TRANK1: variants seen among roughly 807,000 people sequenced by gnomAD.
The protein encoded by TRANK1 is TPR and ankyrin repeat-containing protein 1.
In TRANK1, 198 loss-of-function variants were observed where a neutral mutation model predicts 266.0. The ratio of observed to expected loss-of-function variants is 0.74; its 90% CI spans 0.66 to 0.84. The LOEUF (loss-of-function observed/expected upper bound fraction) is 0.84. TRANK1 is among the 40% of genes least tolerant of loss of function. The pLI is 0.00. For synonymous variants in TRANK1, 1,396 were observed against 1,384.1 expected, an observed-to-expected ratio of 1.01 and a Z score of -0.19; for missense variants, 3,326 against 3,634.6, an observed-to-expected ratio of 0.92 and a Z score of 2.18.
chr3:36,939,113 G>T (rs1307403754), intron 1 of TRANK1, among the ~76,000 whole-genome samples: 2 of 151,872 alleles, frequency 1.3e-5, no homozygotes, highest in Non-Finnish European at 2.9e-5. Flanking sequence ...CTCCAGCGTG[G>T]GCAACAGAGC....
Position 36,889,944 on chromosome 3 carries a change from GAA to G in TRANK1, c.790_791del (p.Phe264ProfsTer15). Reference protein sequence around the residue: ...LCIQARENHLFRWLMDHKPEW... With the variant: ...LCIQARENHLXRWLMDHKPEW... ...CGGGCTTGTGATCCATTAACCACCG[GAA>G]AAGATGGTTTTCTCCTGAAGGGAAT... On this transcript the variant is annotated frameshift_variant, in exon 8 of 24. Transcript: ENST00000645898. LOFTEE classifies it high-confidence loss of function. The G allele has an allele frequency of 6.5e-7, 1 of 1,537,082 alleles. No homozygotes were observed. The highest frequency in any genetic ancestry group is 8.7e-7 in the Non-Finnish European group (1 of 1,146,856).
At chr3:36,870,913 G>A (rs1475875990) in intron 9 of TRANK1, among the ~76,000 whole-genome samples, 2 of 142,438 alleles carry the variant, frequency 1.4e-5, no homozygotes, top group Middle Eastern at 3.9e-3. Flanking sequence ...AGAAGACAAG[G>A]CATTTTTAGG....
At chr3:36,900,808 C>T (rs928311984) in intron 3 of TRANK1, among the ~76,000 whole-genome samples, 10 of 131,144 alleles carry the variant, frequency 7.6e-5, no homozygotes, top group Admixed American at 4.6e-4. Flanking sequence ...CATGAGCCCA[C>T]GAGGTGAGGC....
intron 1 of TRANK1, among the ~76,000 whole-genome samples, chr3:36,925,868 G>A (rs1468978743): frequency 2.0e-5 from 3 of 152,164 alleles, no homozygotes; most frequent in African/African-American, 7.2e-5. Flanking sequence ...ACAGACATGA[G>A]CCACTGTGCC....
In TRANK1 at chr3:36,831,086, C is replaced by A. The variant is rs1436393956; in HGVS notation, c.8497G>T (p.Ala2833Ser). 5 of 1,613,986 alleles carry A rather than the reference C, an allele frequency of 3.1e-6. No homozygotes were observed. Among genetic ancestry groups the A allele is most frequent in the Non-Finnish European group, 4.2e-6 (5 of 1,179,892 alleles). The stretch of plus-strand genomic sequence containing the variant: ...AAAAATTCTGAGTATTTCTGGTAGG[C>A]CACTTGCTGCCTCTGGTGGTGTTCT... Reference protein sequence around the residue: ...HLEHHQRQQVAYQKYSEFFHE... With the variant: ...HLEHHQRQQVSYQKYSEFFHE... The change falls in exon 22 of 24, where the codon GCC becomes TCC. Residue 2833 changes from alanine to serine, a missense_variant. Transcript: ENST00000645898. This position sits in a 1 kb window ranked among gnomAD's most constrained non-coding sequence, Gnocchi z 5.0.
intron 1 of TRANK1, among the ~76,000 whole-genome samples, chr3:36,913,018 A>AGTAT (rs2080073618): frequency 7.2e-6 from 1 of 139,728 alleles, no homozygotes; most frequent in African/African-American, 2.8e-5. Flanking sequence ...AGCTAGAAAG[A>AGTAT]GTATGTCTCT....
chr3:36,913,524 C>G (rs940880329), intron 1 of TRANK1, among the ~76,000 whole-genome samples: 3 of 151,896 alleles, frequency 2.0e-5, no homozygotes, highest in African/African-American at 4.8e-5. Flanking sequence ...TTCTTTCTCT[C>G]TCTCTTAAAA....
Position 36,851,846 on chromosome 3 carries a change from A to G in TRANK1, c.4760T>C (p.Val1587Ala). 1 of 1,599,010 alleles carries G rather than the reference A, an allele frequency of 6.3e-7. No individual in the cohort carries two copies. The highest frequency in any genetic ancestry group is 1.1e-5 in the South Asian group (1 of 88,228). The change falls in exon 15 of 24, where the codon GTG becomes GCG. Residue 1587 changes from valine to alanine, a missense_variant. By Grantham distance (64) the Val-to-Ala change is moderately conservative (BLOSUM62 0). Coordinates refer to ENST00000645898, the MANE Select transcript of TRANK1 (RefSeq NM_001329998.2). ...IEFGAHQVIL[V>A]ANETAKEKIP... ...TTTCTCCTTTGCCGTTTCATTGGCC[A>G]CAAGGATTACCTGAAGAAAAACAAA...
intron 1 of TRANK1, among the ~76,000 whole-genome samples, chr3:36,921,552 T>C (rs1254846215): frequency 1.3e-5 from 2 of 152,122 alleles, no homozygotes; most frequent in Non-Finnish European, 2.9e-5. Context: ...CCCCTCAAGA[T>C]TGAAGGTTGC....
intron 1 of TRANK1, among the ~76,000 whole-genome samples, chr3:36,918,568 A>T (rs1223367875): frequency 3.4e-4 from 27 of 79,016 alleles, no homozygotes; most frequent in African/African-American, 1.2e-3. Flanking sequence ...GGAAGGTAGG[A>T]AGGAAGGAAG....
intron 6 of TRANK1, 44 bp downstream of exon 6, chr3:36,892,857 A>ATC: frequency 1.4e-6 from 1 of 711,426 alleles, no homozygotes; most frequent in Non-Finnish European, 1.8e-6. Context: ...CAAAACATAT[A>ATC]TATATATATA....
chr3:36,871,563 T>G (rs1229028816), intron 9 of TRANK1, among the ~76,000 whole-genome samples: 5 of 152,144 alleles, frequency 3.3e-5, no homozygotes, highest in Non-Finnish European at 7.3e-5. Flanking sequence ...CAAAAAGCAT[T>G]CCACAATGAC....
intron 1 of TRANK1, among the ~76,000 whole-genome samples, chr3:36,927,666 C>T (rs1360324822): frequency 3.9e-5 from 6 of 152,168 alleles, no homozygotes; most frequent in Non-Finnish European, 4.4e-5. Flanking sequence ...CGCCACTGGC[C>T]CAGTGGTCGC....
In TRANK1 at chr3:36,855,504, A is replaced by G; in HGVS notation, c.4218T>C (p.Gly1406=). 6.2e-7 allele frequency: 1 copy of G among 1,613,846 alleles called. No individual in the cohort carries two copies. Among genetic ancestry groups the G allele is most frequent in the Non-Finnish European group, 8.5e-7 (1 of 1,179,854 alleles). The change falls in exon 13 of 24, where the codon GGT becomes GGC. Residue 1406 remains glycine, a synonymous_variant. Coordinates refer to ENST00000645898, the MANE Select transcript of TRANK1 (RefSeq NM_001329998.2). ...SLYQQIRSQK[G]YFDEEDVLYN... ...ACAGAACATCCTCTTCATCAAAATA[A>G]CCTTTCTGGGACCTGATTTGCTGAT...
At position 36,829,488 on chromosome 3, in the gene TRANK1, T is replaced by A. The variant is rs768469012; in HGVS notation, c.8809+76A>T. The A allele has an allele frequency of 8.5e-5, 125 of 1,475,774 alleles. 1 individual carries two copies. Among genetic ancestry groups the A allele is most frequent in the Non-Finnish European group, 1.0e-4 (111 of 1,059,622 alleles). 91.4% of individuals were successfully genotyped at this position (1,475,774 alleles called of 1,614,324 possible). Reference sequence around the variant, plus strand: ...CATCACTGGGCTGCCCCACTTCAGATTCCCCCCGGGAGCCAGCAGTAATAA... The same window carrying A: ...CATCACTGGGCTGCCCCACTTCAGAATCCCCCCGGGAGCCAGCAGTAATAA... On this transcript the variant is annotated intron_variant, in intron 23 of 23. Transcript: ENST00000645898.
At chr3:36,874,328 G>A (rs1391734119) in intron 8 of TRANK1, 32 bp from the exon 9 acceptor site, 1 of 1,529,746 alleles carries the variant, frequency 6.5e-7, no homozygotes. Context: ...AGGGGTGTTT[G>A]TCATGGTTCC....
chr3:36,927,805 A>G (rs1358542599), intron 1 of TRANK1, among the ~76,000 whole-genome samples: 1 of 152,234 alleles, frequency 6.6e-6, no homozygotes, highest in Non-Finnish European at 1.5e-5. Flanking sequence ...TTAGCCTTCA[A>G]TTCTTGTGTG....
rs757856281 is a variant in TRANK1 at position 36,832,740 on chromosome 3, C to T, written c.6843G>A (p.Val2281=). The T allele has an allele frequency of 1.4e-5, 23 of 1,613,904 alleles. No individual in the cohort carries two copies. Among genetic ancestry groups the T allele is most frequent in the Non-Finnish European group, 1.7e-6 (2 of 1,179,910 alleles). ...TGCATGCCATGGGGTTTTCTGACAA[C>T]ACTCTCTGATGGAAATGCTTAGGGA... ...VLFPKHFHQR[V]LSENPMACKE... is the part of the protein sequence containing the mutation. Residue 2281 remains valine (V), a synonymous_variant, in exon 22 of 24, where the codon GTG becomes GTA. Coordinates refer to ENST00000645898, the MANE Select transcript of TRANK1 (RefSeq NM_001329998.2).
At chr3:36,879,925 C>T (rs185087030) in intron 8 of TRANK1, among the ~76,000 whole-genome samples, 882 of 18,088 alleles carry the variant, frequency 0.049, 270 homozygotes, top group Non-Finnish European at 0.064. Context: ...TATATGTAAA[C>T]ATGCAAATAT....
Sources: allele counts gnomAD v4.1 joint callset (sites outside exome capture counted in the v4.1 genomes callset), GRCh38; gene constraint gnomAD v4.1.1; non-coding constraint Gnocchi (gnomAD v3.1); transcripts MANE v1.5; gene names NCBI Gene and HGNC (gene_info 2026-07-23, HGNC 2026-07-21).